Variants in ASB16 observed in about 807,000 individuals in gnomAD.
ASB16 encodes the protein ankyrin repeat and SOCS box protein 16.
In ASB16, 44 loss-of-function variants were observed where a neutral mutation model predicts 39.1. The observed-to-expected ratio is 1.13, with a 90% CI of 0.88 to 1.45. The LOEUF is 1.45. ASB16 is among the 40% of genes most tolerant of loss of function. ASB16 has a pLI of 0.00. For synonymous variants in ASB16, 305 were observed against 286.7 expected (o/e 1.06, Z -0.64); for missense variants, 698 against 634.5 (o/e 1.10, Z -1.07).
At position 44,176,976 on chromosome 17, in the gene ASB16, C is replaced by T; in HGVS notation, c.808C>T (p.Leu270Phe). 4 of 1,488,196 alleles carry T rather than the reference C, an allele frequency of 2.7e-6. No individual in the cohort carries two copies. The highest frequency in any genetic ancestry group is 3.5e-6 in the Non-Finnish European group (4 of 1,131,476). 92.2% of individuals were successfully genotyped at this position (1,488,196 alleles called of 1,614,324 possible). The change falls in exon 3 of 5, where the codon CTC (leucine) becomes TTC (phenylalanine). Residue 270 changes from leucine to phenylalanine, a missense_variant. Coordinates refer to ENST00000293414, the MANE Select transcript of ASB16 (RefSeq NM_080863.5). The stretch of plus-strand genomic sequence containing the variant: ...GCGACACCAGGCTGCGGCGCGCCGG[C>T]TCCTGGAGGCTGGAGCTGATGCCCG... ...CRRHQAAARRLLEAGADARAA... is the reference protein window; with the variant it reads ...CRRHQAAARRFLEAGADARAA...
At position 44,177,159 on chromosome 17, in the gene ASB16, T is replaced by A. The variant is rs7217858; in HGVS notation, c.991T>A (p.Ser331Thr). 1.3e-6 allele frequency: 2 copies of A among 1,523,968 alleles called. No individual in the cohort carries two copies. Among genetic ancestry groups the A allele is most frequent in the African/African-American group, 2.8e-5 (2 of 72,326 alleles). 94.4% of individuals were successfully genotyped at this position (1,523,968 alleles called of 1,614,324 possible). A position where few individuals can be genotyped will look rare whatever the true frequency, so the allele number is the denominator to read the frequency against. The change falls in exon 3 of 5, where the codon TCC (serine) becomes ACC (threonine). Residue 331 changes from serine to threonine, a missense_variant. Coordinates refer to ENST00000293414, the MANE Select transcript of ASB16 (RefSeq NM_080863.5). ...CTGTGCGCTGCAGGCCGTCCAGGAC[T>A]CCCCCAACTGGGAGCCTGAAGTCCT... ...MDCALQAVQD[S>T]PNWEPEVLFA... is the part of the protein sequence containing the mutation.
intron 3 of ASB16, 26 bp from the exon 4 acceptor site, chr17:44,177,582 TG>T (rs1464516898): frequency 1.9e-6 from 3 of 1,607,890 alleles, no homozygotes; most frequent in African/African-American, 1.3e-5. Context: ...GGGAGGCATG[TG>T]CCCAAGACCC....
chr17:44,175,101 C>G (rs1273382183), intron 2 of ASB16, among the ~76,000 whole-genome samples: 1 of 95,968 alleles, frequency 1.0e-5, no homozygotes, highest in Non-Finnish European at 2.3e-5. Flanking sequence ...GACTCTGCCT[C>G]AAAAAAAAAA....
chr17:44,171,004 AGGTCC>A lies in ASB16; in HGVS notation c.216_220del (p.Val73SerfsTer6), dbSNP rs775059291. The A allele has an allele frequency of 6.2e-7, 1 of 1,614,022 alleles. No homozygotes were observed. The highest frequency in any genetic ancestry group is 1.1e-5 in the South Asian group (1 of 91,088). ...GCCCTCTTCTCCGGCAACCTGCAGC[AGGTCC>A]AAGCCCTGTTCCAAGATGAAGAGGC... is the stretch of plus-strand genomic sequence containing the variant. On this transcript the variant is annotated frameshift_variant, in exon 1 of 5. Transcript: ENST00000293414. LOFTEE classifies it high-confidence loss of function.
intron 4 of ASB16, 28 bp from the exon 5 acceptor site, chr17:44,178,177 A>T: frequency 6.2e-7 from 1 of 1,610,536 alleles, no homozygotes; most frequent in Non-Finnish European, 8.5e-7. Context: ...GGCAAGGGTC[A>T]TCTGACCTTC....
Position 44,178,260 on chromosome 17 carries a change from T to G in ASB16, c.1232T>G (p.Leu411Arg). Residue 411 changes from leucine (L) to arginine (R), a missense_variant, in exon 5 of 5, where the codon CTG (leucine) becomes CGG (arginine). Physicochemically the swap from Leu to Arg is moderately radical, Grantham distance 102. Transcript: ENST00000293414. ...ALCMVNQPRQ[L>R]QHLARLAVRA... ...TGCATGGTGAACCAGCCAAGGCAGC[T>G]GCAGCACCTGGCCCGACTAGCTGTG... is the stretch of plus-strand genomic sequence containing the variant. 2 of 1,613,552 alleles carry G rather than the reference T, an allele frequency of 1.2e-6. No homozygotes were observed. The highest frequency in any genetic ancestry group is 4.5e-5 in the East Asian group (2 of 44,876).
chr17:44,177,601 AC>A lies in ASB16; in HGVS notation c.1063-4del, dbSNP rs147448281. On this transcript the variant is annotated splice_region_variant and splice_polypyrimidine_tract_variant and intron_variant, in intron 3 of 4. Coordinates refer to ENST00000293414, the MANE Select transcript of ASB16 (RefSeq NM_080863.5). ...GGCATGTGCCCAAGACCCTCTTTTG[AC>A]CCCTAGATGCTGAAACACTGCGCCA... is the stretch of plus-strand genomic sequence containing the variant. 23,270 of 1,612,388 alleles carry A rather than the reference AC, an allele frequency of 0.014. 219 individuals are homozygous for A. Among genetic ancestry groups the A allele is most frequent in the Middle Eastern group, 0.025 (153 of 6,044 alleles).
intron 2 of ASB16, among the ~76,000 whole-genome samples, chr17:44,174,799 G>A: frequency 6.6e-6 from 1 of 152,130 alleles, no homozygotes. Context: ...GCTTTGGAGT[G>A]TTAGTTAAAT....
In ASB16 at chr17:44,177,093, C is replaced by T. The variant is rs528443234; in HGVS notation, c.925C>T (p.Arg309Cys). 21 of 1,476,920 alleles carry T rather than the reference C, an allele frequency of 1.4e-5. 1 individual carries two copies. In the South Asian group the frequency reaches 2.0e-4, roughly 14 times the overall value. The allele number at this position is 1,476,920 out of a possible 1,614,324, so 91.5% of individuals were successfully genotyped here. A position where few individuals can be genotyped will look rare whatever the true frequency, so the allele number is the denominator to read the frequency against. The change falls in exon 3 of 5, where the codon CGC (arginine) becomes TGC (cysteine). Residue 309 changes from arginine (R) to cysteine (C), a missense_variant. Coordinates refer to ENST00000293414, the MANE Select transcript of ASB16 (RefSeq NM_080863.5). ...LAELLLRYGA[R>C]AEVPNGAGHT... is the part of the protein sequence containing the mutation. ...CGAGCTGCTGCTGCGTTACGGGGCC[C>T]GCGCTGAGGTCCCCAATGGGGCGGG...
chr17:44,178,220 T>C lies in ASB16; in HGVS notation c.1192T>C (p.Tyr398His). ...CCTGGCCTAGGAGCACGAAGCCTTC[T>C]ACAGCTCGGCCCTGTGCATGGTGAA... ...PELWKEHEAF[Y>H]SSALCMVNQP... is the part of the protein sequence containing the mutation. The change falls in exon 5 of 5, where the codon TAC becomes CAC. Residue 398 changes from tyrosine (Y) to histidine (H), a missense_variant. Tyr to His is a moderately conservative substitution (Grantham distance 83). Coordinates refer to ENST00000293414, the MANE Select transcript of ASB16 (RefSeq NM_080863.5). 1.9e-6 allele frequency: 3 copies of C among 1,613,360 alleles called. No individual in the cohort carries two copies. The highest frequency in any genetic ancestry group is 2.5e-6 in the Non-Finnish European group (3 of 1,179,992).
In ASB16 at chr17:44,177,187, T is replaced by C. The variant is rs971053020; in HGVS notation, c.1019T>C (p.Phe340Ser). The change falls in exon 3 of 5, where the codon TTC becomes TCC. Residue 340 changes from phenylalanine (F) to serine (S), a missense_variant. Coordinates refer to ENST00000293414, the MANE Select transcript of ASB16 (RefSeq NM_080863.5). Reference sequence around the variant, plus strand: ...CCCAACTGGGAGCCTGAAGTCCTTTTCGCCGCACTGCTGGACTACGGGGCG... The same window carrying C: ...CCCAACTGGGAGCCTGAAGTCCTTTCCGCCGCACTGCTGGACTACGGGGCG... ...DSPNWEPEVL[F>S]AALLDYGAQP... The C allele has an allele frequency of 7.8e-6, 12 of 1,539,262 alleles. No individual in the cohort carries two copies. Among genetic ancestry groups the C allele is most frequent in the Non-Finnish European group, 1.0e-5 (12 of 1,143,402 alleles).
chr17:44,177,344 G>A, intron 3 of ASB16, 114 bp downstream of exon 3: 1 of 1,378,320 alleles, frequency 7.3e-7, no homozygotes, highest in Non-Finnish European at 9.6e-7. Flanking sequence ...TGCCCTCAGT[G>A]GCCAGGGGGC....
intron 3 of ASB16, 173 bp downstream of exon 3, chr17:44,177,403 A>G (rs1215397448): frequency 2.5e-5 from 30 of 1,178,146 alleles, no homozygotes; most frequent in Non-Finnish European, 3.3e-5. Flanking sequence ...AGAGAGTCCA[A>G]GGGAGGGAAG....
At chr17:44,174,544 G>C (rs1251522497) in intron 2 of ASB16, among the ~76,000 whole-genome samples, 1 of 152,014 alleles carries the variant, frequency 6.6e-6, no homozygotes, top group Non-Finnish European at 1.5e-5. Flanking sequence ...CTGCATGAGG[G>C]TATTTGCACT....
intron 3 of ASB16, 122 bp from the exon 4 acceptor site, chr17:44,177,487 G>A: frequency 7.6e-7 from 1 of 1,321,940 alleles, no homozygotes; most frequent in Non-Finnish European, 1.0e-6. Flanking sequence ...ACAAAAAAGG[G>A]AAGAGAGACT....
chr17:44,177,027 C>A lies in ASB16; in HGVS notation c.859C>A (p.Pro287Thr), dbSNP rs1273433682. The change falls in exon 3 of 5, where the codon CCG becomes ACG. Residue 287 changes from proline (P) to threonine (T), a missense_variant. Physicochemically the swap from Pro to Thr is conservative, Grantham distance 38 (BLOSUM62 -1). Coordinates refer to ENST00000293414, the MANE Select transcript of ASB16 (RefSeq NM_080863.5). ...GGCGGCCGGGCGCAAGCGCCACACG[C>A]CGCTGCACAACGCTTGTGCCAACGG... Reference protein sequence around the residue: ...ARAAGRKRHTPLHNACANGCG... With the variant: ...ARAAGRKRHTTLHNACANGCG... 1.3e-6 allele frequency: 2 copies of A among 1,492,758 alleles called. No individual in the cohort carries two copies. Among genetic ancestry groups the A allele is most frequent in the Admixed American group, 4.8e-5 (2 of 41,592 alleles). The allele number at this position is 1,492,758 out of a possible 1,614,324, so 92.5% of individuals were successfully genotyped here. A position where few individuals can be genotyped will look rare whatever the true frequency, so the allele number is the denominator to read the frequency against.
chr17:44,176,357 CAA>C (rs367925638), intron 2 of ASB16: 66,314 of 191,374 alleles, frequency 0.35, 8,555 homozygotes, highest in East Asian at 0.58. Flanking sequence ...ACCCTGTCTC[CAA>C]AAAAAAAAAA....
intron 2 of ASB16, among the ~76,000 whole-genome samples, chr17:44,173,786 C>T (rs529996748): frequency 5.3e-5 from 8 of 152,224 alleles, no homozygotes; most frequent in Non-Finnish European, 5.9e-5. Context: ...TGTACTCCAA[C>T]CTGGACAACA....
At chr17:44,177,769 GC>G (rs2054321217) in intron 4 of ASB16, 47 bp downstream of exon 4, 1 of 1,601,562 alleles carries the variant, frequency 6.2e-7, no homozygotes, top group Non-Finnish European at 8.5e-7. Context: ...CGAGCCACAG[GC>G]CTATTCCTTC....
Sources: allele counts gnomAD v4.1 joint callset (sites outside exome capture counted in the v4.1 genomes callset), GRCh38; gene constraint gnomAD v4.1.1; transcripts MANE v1.5; gene names NCBI Gene and HGNC (gene_info 2026-07-23, HGNC 2026-07-21).